The following MDFIC variants were observed in gnomAD, a reference collection of about 807,000 sequenced individuals.
MDFIC encodes myoD family inhibitor domain-containing protein.
In MDFIC, 17 loss-of-function variants were observed where a neutral mutation model predicts 23.2. That is an observed-to-expected ratio of 0.73 (90% CI 0.50 to 1.10). MDFIC has a LOEUF of 1.10. Among genes scored for constraint, MDFIC ranks in the 50% least tolerant of loss-of-function variants. MDFIC has a pLI of 0.00. For synonymous variants in MDFIC, 120 were observed against 115.2 expected (o/e 1.04, Z -0.27); for missense variants, 356 against 316.6 (o/e 1.12, Z -0.95).
At chr7:114,961,832 T>G (rs531491012) in intron 3 of MDFIC, among the ~76,000 whole-genome samples, 1 of 152,124 alleles carries the variant, frequency 6.6e-6, no homozygotes, top group African/African-American at 2.4e-5. Flanking sequence ...GACCCGCTCC[T>G]ACAACACTGG....
chr7:114,932,776 TA>T (rs1431629734), intron 2 of MDFIC, among the ~76,000 whole-genome samples: 3 of 152,222 alleles, frequency 2.0e-5, no homozygotes, highest in Non-Finnish European at 4.4e-5. Context: ...TAGTGAAGTT[TA>T]TAAGTTCCTG....
intron 3 of MDFIC, among the ~76,000 whole-genome samples, chr7:114,957,313 T>C (rs988654431): frequency 2.6e-5 from 4 of 152,192 alleles, no homozygotes; most frequent in Non-Finnish European, 5.9e-5. Flanking sequence ...TCATCTTCCT[T>C]TGACACTCTG....
intron 4 of MDFIC, among the ~76,000 whole-genome samples, chr7:115,010,069 GA>G (rs748717323): frequency 0.098 from 14,923 of 152,136 alleles, 1,060 homozygotes; most frequent in African/African-American, 0.2. Flanking sequence ...GAAATCTTAA[GA>G]ACAGGGGAAA....
intron 4 of MDFIC, among the ~76,000 whole-genome samples, chr7:114,990,909 T>C (rs1275032915): frequency 6.6e-6 from 1 of 152,110 alleles, no homozygotes; most frequent in African/African-American, 2.4e-5. Context: ...TACTAGATCC[T>C]TGAGGAATCG....
chr7:114,997,520 C>A (rs534173295), intron 4 of MDFIC, among the ~76,000 whole-genome samples: 1 of 148,974 alleles, frequency 6.7e-6, no homozygotes, highest in South Asian at 2.1e-4. Flanking sequence ...GAGGCCAAGG[C>A]GGGAGAATGG....
intron 4 of MDFIC, among the ~76,000 whole-genome samples, chr7:115,006,458 A>G (rs1228583580): frequency 6.6e-6 from 1 of 152,200 alleles, no homozygotes; most frequent in East Asian, 1.9e-4. Context: ...CATCATCATC[A>G]TCATCATCTT....
chr7:115,005,530 C>T (rs10268250), intron 4 of MDFIC, among the ~76,000 whole-genome samples: 264 of 152,150 alleles, frequency 1.7e-3, no homozygotes, highest in African/African-American at 5.0e-3. Context: ...GTGGCTCAGA[C>T]GAAACACAGG....
chr7:114,973,346 A>G (rs1343016709), intron 3 of MDFIC, among the ~76,000 whole-genome samples: 1 of 152,066 alleles, frequency 6.6e-6, no homozygotes, highest in East Asian at 1.9e-4. Flanking sequence ...AACATCTCTT[A>G]AGATATTTCA....
At chr7:114,976,084 T>C (rs1793303070) in intron 3 of MDFIC, among the ~76,000 whole-genome samples, 1 of 152,114 alleles carries the variant, frequency 6.6e-6, no homozygotes, top group African/African-American at 2.4e-5. Context: ...ATAGTCAATT[T>C]TGATAGCAGA....
intron 4 of MDFIC, among the ~76,000 whole-genome samples, chr7:114,991,304 G>T (rs1281374138): frequency 6.6e-6 from 1 of 152,098 alleles, no homozygotes; most frequent in East Asian, 1.9e-4. Context: ...TAGGTTGCCT[G>T]TTCACTCTGA....
In MDFIC at chr7:114,989,751, G is replaced by A. The variant is rs191684452; in HGVS notation, c.493+9970G>A. On this transcript the variant is annotated intron_variant, in intron 4 of 4. Coordinates refer to ENST00000393486, the MANE Select transcript of MDFIC (RefSeq NM_001166345.3). ...GACTTCTCAGTAACCTCTATTGAAT[G>A]ATTTGGTACAAGGACACGTAACCTT... 1.1e-4 allele frequency among the ~76,000 whole-genome samples: 17 copies of A among 152,244 alleles called. No homozygotes were observed. In the East Asian group the frequency reaches 3.3e-3, roughly 29 times the overall value.
intron 3 of MDFIC, among the ~76,000 whole-genome samples, chr7:114,948,101 A>C (rs1792685804): frequency 6.6e-6 from 1 of 152,146 alleles, no homozygotes; most frequent in African/African-American, 2.4e-5. Context: ...ATGCATGATG[A>C]CTTAAGTGTA....
At chr7:114,991,422 C>A (rs1791158096) in intron 4 of MDFIC, among the ~76,000 whole-genome samples, 1 of 152,240 alleles carries the variant, frequency 6.6e-6, no homozygotes, top group South Asian at 2.1e-4. Flanking sequence ...GAAGTCCTTG[C>A]CCATGCCTAT....
intron 2 of MDFIC, among the ~76,000 whole-genome samples, chr7:114,932,082 T>C (rs1792318564): frequency 6.6e-6 from 1 of 152,240 alleles, no homozygotes; most frequent in Non-Finnish European, 1.5e-5. Flanking sequence ...TGAGGGGTTG[T>C]ACTATTTATT....
At chr7:114,991,864 T>G (rs187281110) in intron 4 of MDFIC, among the ~76,000 whole-genome samples, 3 of 152,326 alleles carry the variant, frequency 2.0e-5, no homozygotes. Flanking sequence ...AACTTTAAAG[T>G]AGTTTTTTCC....
At chr7:114,945,877 G>C (rs1049937200) in intron 3 of MDFIC, among the ~76,000 whole-genome samples, 1 of 151,902 alleles carries the variant, frequency 6.6e-6, no homozygotes. Flanking sequence ...TATACTCTTA[G>C]AACATAATTT....
At position 115,016,067 on chromosome 7, in the gene MDFIC, CT is replaced by C. The variant is rs369634988; in HGVS notation, c.*133del. The C allele has an allele frequency of 2.1e-5, 19 of 897,880 alleles. 1 individual carries two copies. In the African/African-American group the frequency reaches 3.0e-4, roughly 14 times the overall value. The allele number at this position is 897,880 out of a possible 1,614,324, so 55.6% of individuals were successfully genotyped here. Reference sequence around the variant, plus strand: ...CTGTTAACTCATTATTGTAAGTAATCTCTGAAAGCCTTTTTACTTTAACCAA... The same window carrying C: ...CTGTTAACTCATTATTGTAAGTAATCCTGAAAGCCTTTTTACTTTAACCAA... On this transcript the variant is annotated 3_prime_UTR_variant, in exon 5 of 5. Coordinates refer to ENST00000393486, the MANE Select transcript of MDFIC (RefSeq NM_001166345.3).
At chr7:114,991,361 C>A (rs1791155569) in intron 4 of MDFIC, among the ~76,000 whole-genome samples, 1 of 152,064 alleles carries the variant, frequency 6.6e-6, no homozygotes, top group African/African-American at 2.4e-5. Context: ...TAATTAGATC[C>A]CATTTGTCAA....
intron 4 of MDFIC, among the ~76,000 whole-genome samples, chr7:114,988,696 A>G (rs1793554046): frequency 2.0e-5 from 3 of 152,184 alleles, no homozygotes; most frequent in African/African-American, 7.2e-5. Flanking sequence ...TAGTTTGGAG[A>G]TGATCATGAG....
Sources: allele counts gnomAD v4.1 joint callset (sites outside exome capture counted in the v4.1 genomes callset), GRCh38; gene constraint gnomAD v4.1.1; transcripts MANE v1.5; gene names NCBI Gene and HGNC (gene_info 2026-07-23, HGNC 2026-07-21).